DNAH2: variants seen among roughly 807,000 people sequenced by gnomAD.
DNAH2 encodes axonemal beta dynein heavy chain 2.
A neutral mutation model predicts 523.5 loss-of-function variants in DNAH2; 323 were observed. The ratio of observed to expected loss-of-function variants is 0.62; its 90% confidence interval spans 0.56 to 0.68. DNAH2 has a LOEUF of 0.68. Ranked by LOEUF, DNAH2 falls within the 30% of genes least tolerant of loss-of-function variation. The pLI, the probability that DNAH2 is intolerant of heterozygous loss-of-function variation, is 0.00. For synonymous variants in DNAH2, 2,093 were observed against 2,177.4 expected (o/e 0.96, Z 1.08); for missense variants, 4,907 against 5,701.5 (o/e 0.86, Z 4.49).
At position 7,807,270 on chromosome 17, in the gene DNAH2, G is replaced by A. The variant is rs371352085; in HGVS notation, c.9563G>A (p.Arg3188His). 59 of 1,613,724 alleles carry A rather than the reference G, an allele frequency of 3.7e-5. No individual in the cohort carries two copies. Among genetic ancestry groups the A allele is most frequent in the Middle Eastern group, 1.7e-4 (1 of 6,020 alleles). Residue 3188 changes from arginine to histidine, a missense_variant, in exon 62 of 86, where the codon CGC becomes CAC. Physicochemically the swap from Arg to His is conservative, Grantham distance 29. This residue lies in a region of DNAH2 where 1,851 missense variants were observed against 2,139.4 expected (regional missense o/e 0.87). Coordinates refer to ENST00000572933, the MANE Select transcript of DNAH2 (RefSeq NM_020877.5). This position sits in a 1 kb window ranked among gnomAD's most constrained non-coding sequence, Gnocchi z 5.6. ...QPDFQPDIIG[R>H]VSLAAKSLCM... The stretch of plus-strand genomic sequence containing the variant: ...GACTTCCAGCCTGATATCATCGGCC[G>A]CGTCTCCCTGGCTGCCAAGTCCCTC...
At chr17:7,740,041 A>C in intron 9 of DNAH2, 103 bp downstream of exon 9, 2 of 889,330 alleles carry the variant, frequency 2.2e-6, no homozygotes, top group Non-Finnish European at 3.0e-6. Flanking sequence ...TGGTGGAAGG[A>C]CAGATCGGGA....
At position 7,833,233 on chromosome 17, in the gene DNAH2, C is replaced by T; in HGVS notation, c.13129+12C>T. On this transcript the variant is annotated intron_variant, in intron 85 of 85. Coordinates refer to ENST00000572933, the MANE Select transcript of DNAH2 (RefSeq NM_020877.5). ...GAAGAGCGCCAAGGGTGGGACAGCT[C>T]CCCAGGCAGGACCTGCCTGCCCCGT... The T allele has an allele frequency of 6.2e-7, 1 of 1,606,710 alleles. No homozygotes were observed. The highest frequency in any genetic ancestry group is 8.5e-7 in the Non-Finnish European group (1 of 1,179,882).
chr17:7,786,947 CTG>C lies in DNAH2; in HGVS notation c.6520_6521del (p.Trp2174AspfsTer11). 6.2e-7 allele frequency: 1 copy of C among 1,614,224 alleles called. No homozygotes were observed. The highest frequency in any genetic ancestry group is 8.5e-7 in the Non-Finnish European group (1 of 1,180,018). On this transcript the variant is annotated frameshift_variant, in exon 42 of 86. Coordinates refer to ENST00000572933, the MANE Select transcript of DNAH2 (RefSeq NM_020877.5). LOFTEE classifies it high-confidence loss of function. The surrounding 1 kb of genome is among the most constrained non-coding windows in gnomAD (Gnocchi z 7.5). ...CCTGTTCGATGGCCCCGTGGACACA[CTG>C]TGGATCGAGAACATGAACTCCGTCA... ...WILFDGPVDT[L>X]WIENMNSVMD...
At chr17:7,738,938 G>A (rs771267458) in intron 8 of DNAH2, 9 of 701,642 alleles carry the variant, frequency 1.3e-5, no homozygotes, top group South Asian at 1.0e-4. Context: ...TTCTCCAGTC[G>A]GGGCTGGGTC....
Position 7,754,282 on chromosome 17 carries a change from G to A in DNAH2, c.1905-2809G>A, listed in dbSNP as rs1233972789. ...GATGGGAAGGAACTAGTAGATTGAAGGTATAGGAGAGCTGGAAGAGGGCAT... is the reference window on the plus strand; with the variant it reads ...GATGGGAAGGAACTAGTAGATTGAAAGTATAGGAGAGCTGGAAGAGGGCAT... On this transcript the variant is annotated intron_variant, in intron 12 of 85. Coordinates refer to ENST00000572933, the MANE Select transcript of DNAH2 (RefSeq NM_020877.5). The surrounding 1 kb of genome is among the most constrained non-coding windows in gnomAD (Gnocchi z 4.6). 3.2e-6 allele frequency: 1 copy of A among 316,852 alleles called. No individual in the cohort carries two copies. The highest frequency in any genetic ancestry group is 5.7e-6 in the Non-Finnish European group (1 of 175,104). 19.6% of individuals were successfully genotyped at this position (316,852 alleles called of 1,614,324 possible).
At chr17:7,743,326 CTA>C (rs1385961845) in intron 12 of DNAH2, 184 bp downstream of exon 12, 2 of 727,852 alleles carry the variant, frequency 2.7e-6, no homozygotes, top group Non-Finnish European at 4.9e-6. Flanking sequence ...TCCCACCCTG[CTA>C]TCAACATTTT....
chr17:7,733,388 C>T, intron 5 of DNAH2, 73 bp downstream of exon 5: 1 of 1,469,314 alleles, frequency 6.8e-7, no homozygotes, highest in Non-Finnish European at 9.4e-7. Context: ...AGTGGTGGGT[C>T]CTTCGTCTGA....
In DNAH2 at chr17:7,759,440, C is replaced by T; in HGVS notation, c.2467C>T (p.Leu823=). 2.5e-6 allele frequency: 4 copies of T among 1,613,172 alleles called. 1 individual carries two copies. The East Asian group carries it at 6.7e-5, about 27-fold the overall frequency. ...DGPEIQQQWM[L]YMIRLDRMME... Reference sequence around the variant, plus strand: ...CCATCAGATTCAGCAGCAGTGGATGCTGTACATGATTCGGCTGGACCGCAT... The same window carrying T: ...CCATCAGATTCAGCAGCAGTGGATGTTGTACATGATTCGGCTGGACCGCAT... Residue 823 remains leucine, a synonymous_variant, in exon 16 of 86, where the codon CTG becomes TTG. Transcript: ENST00000572933.
At chr17:7,790,985 T>G (rs150064952) in intron 44 of DNAH2, among the ~76,000 whole-genome samples, 7,556 of 151,956 alleles carry the variant, frequency 0.05, 489 homozygotes, top group African/African-American at 0.15. Context: ...GGGATTACAG[T>G]CATGAGCCAC....
intron 11 of DNAH2, among the ~76,000 whole-genome samples, chr17:7,741,323 C>CTCCT (rs1555540880): frequency 0.012 from 689 of 59,302 alleles, 15 homozygotes; most frequent in Middle Eastern, 0.018. Context: ...CCCTCCCTCC[C>CTCCT]TCCTTCCTTC....
At position 7,821,679 on chromosome 17, in the gene DNAH2, G is replaced by A. The variant is rs115319814; in HGVS notation, c.11142+310G>A. 8.1e-4 allele frequency among the ~76,000 whole-genome samples: 123 copies of A among 152,012 alleles called. No individual in the cohort carries two copies. Among genetic ancestry groups the A allele is most frequent in the African/African-American group, 2.7e-3 (112 of 41,446 alleles). On this transcript the variant is annotated intron_variant, in intron 73 of 85. Transcript: ENST00000572933. This position sits in a 1 kb window ranked among gnomAD's most constrained non-coding sequence, Gnocchi z 5.0. ...CTTCCCCAGCCTGAGTTCCATGGTC[G>A]CCCTCACAATCTCTCCCTCACAGGC...
chr17:7,772,963 G>C (rs1200445947), intron 28 of DNAH2, among the ~76,000 whole-genome samples: 4 of 151,790 alleles, frequency 2.6e-5, no homozygotes, highest in Admixed American at 6.6e-5. Flanking sequence ...TAGTAGAGAC[G>C]GTGTTTCACC....
Position 7,739,840 on chromosome 17 carries a change from G to A in DNAH2, c.1278G>A (p.Glu426=), listed in dbSNP as rs1166858915. The A allele has an allele frequency of 1.9e-6, 3 of 1,613,904 alleles. No homozygotes were observed. The highest frequency in any genetic ancestry group is 1.7e-6 in the Non-Finnish European group (2 of 1,180,026). The change falls in exon 9 of 86, where the codon GAG becomes GAA. Residue 426 remains glutamate (E), a synonymous_variant. Coordinates refer to ENST00000572933, the MANE Select transcript of DNAH2 (RefSeq NM_020877.5). ...CACAGATAACACGGAACTTGCTGGA[G>A]ATTGAGGACATCTTTCATAAAAATC... is the stretch of plus-strand genomic sequence containing the variant. ...QGPQITRNLL[E]IEDIFHKNLH...
In DNAH2 at chr17:7,833,204, G is replaced by A. The variant is rs1326118657; in HGVS notation, c.13112G>A (p.Arg4371His). ...ATCCACTTCCGGCCTGCAGAGAGCC[G>A]CAAGAAGAGCGCCAAGGGTGGGACA... ...PTIHFRPAESRKKSAKGMYSC... is the reference protein window; with the variant it reads ...PTIHFRPAESHKKSAKGMYSC... The change falls in exon 85 of 86, where the codon CGC becomes CAC. Residue 4371 changes from arginine to histidine, a missense_variant. Physicochemically the swap from Arg to His is conservative, Grantham distance 29. Around this residue, in one of 3 missense-constraint regions of DNAH2, gnomAD observed 1,851 missense variants for 2,139.4 expected, o/e 0.87. Transcript: ENST00000572933. 6.2e-7 allele frequency: 1 copy of A among 1,607,224 alleles called. No homozygotes were observed.
Position 7,734,562 on chromosome 17 carries a change from A to T in DNAH2, c.832A>T (p.Ile278Phe). ...TGENLGPLEEIEFWRNRCMDL... is the reference protein window; with the variant it reads ...TGENLGPLEEFEFWRNRCMDL... ...AGAAAATTTAGGTCCTCTGGAGGAG[A>T]TTGAGTTCTGGCGCAACCGATGCAT... Residue 278 changes from isoleucine to phenylalanine, a missense_variant, in exon 7 of 86, where the codon ATT becomes TTT. Physicochemically the swap from Ile to Phe is conservative, Grantham distance 21. Around this residue, in one of 3 missense-constraint regions of DNAH2, gnomAD observed 2,806 missense variants for 3,190.8 expected, o/e 0.88. Transcript: ENST00000572933. 6.2e-7 allele frequency: 1 copy of T among 1,613,568 alleles called. No homozygotes were observed.
chr17:7,802,682 TA>T (rs2077255553), intron 58 of DNAH2, among the ~76,000 whole-genome samples: 1 of 152,080 alleles, frequency 6.6e-6, no homozygotes, highest in Non-Finnish European at 1.5e-5. Context: ...TTTTTTTTTT[TA>T]GACGGAGTCT....
At chr17:7,752,028 C>A (rs1461999446) in intron 12 of DNAH2, among the ~76,000 whole-genome samples, 3 of 150,868 alleles carry the variant, frequency 2.0e-5, no homozygotes, top group Non-Finnish European at 2.9e-5. Flanking sequence ...GCTAGGACCT[C>A]CCAGGCTTAT....
chr17:7,807,172 A>G lies in DNAH2; in HGVS notation c.9465A>G (p.Ser3155=). 1 of 1,609,084 alleles carries G rather than the reference A, an allele frequency of 6.2e-7. No homozygotes were observed. Residue 3155 remains serine (S), a synonymous_variant, in exon 62 of 86, where the codon TCA becomes TCG. Transcript: ENST00000572933. This position sits in a 1 kb window ranked among gnomAD's most constrained non-coding sequence, Gnocchi z 5.6. ...RQLGEQNFIK[S]LINFDKDNIS... ...CAGGGGAACAGAACTTCATCAAGTC[A>G]CTGATCAACTTTGATAAAGACAATA...
chr17:7,754,667 T>A lies in DNAH2; in HGVS notation c.1905-2424T>A. On this transcript the variant is annotated intron_variant, in intron 12 of 85. Coordinates refer to ENST00000572933, the MANE Select transcript of DNAH2 (RefSeq NM_020877.5). The surrounding 1 kb of genome is among the most constrained non-coding windows in gnomAD (Gnocchi z 4.6). ...CAAAGGGTGTCAGCCATAAACTTGA[T>A]CGACTTGCCTACATTGCCCACCCCA... 1 of 1,331,888 alleles carries A rather than the reference T, an allele frequency of 7.5e-7. No individual in the cohort carries two copies. The highest frequency in any genetic ancestry group is 1.1e-6 in the Non-Finnish European group (1 of 940,914). 82.5% of individuals were successfully genotyped at this position (1,331,888 alleles called of 1,614,324 possible). A position where few individuals can be genotyped will look rare whatever the true frequency, so the allele number is the denominator to read the frequency against.
Sources: allele counts gnomAD v4.1 joint callset (sites outside exome capture counted in the v4.1 genomes callset), GRCh38; gene constraint gnomAD v4.1.1; regional missense constraint gnomAD v4.1.1; non-coding constraint Gnocchi (gnomAD v3.1); transcripts MANE v1.5; gene names NCBI Gene and HGNC (gene_info 2026-07-23, HGNC 2026-07-21).